Variants in FTCDNL1 observed in about 807,000 individuals in gnomAD.
The protein encoded by FTCDNL1 is formiminotransferase N-terminal subdomain-containing protein.
A neutral mutation model predicts 5.9 loss-of-function variants in FTCDNL1; 11 were observed. That is an observed-to-expected ratio of 1.87 (90% CI 1.18 to 3.10). The LOEUF (loss-of-function observed/expected upper bound fraction) is 3.10. FTCDNL1 is among the 30% of genes most tolerant of loss of function. The pLI, the probability that FTCDNL1 is intolerant of heterozygous loss-of-function variation, is 0.00. For missense variants in FTCDNL1, 115 were observed against 65.5 expected (o/e 1.76, Z -2.61); for synonymous variants, 58 against 24.8 (o/e 2.34, Z -3.99).
the FTCDNL1 span, among the ~76,000 whole-genome samples, chr2:199,676,615 G>T: frequency 6.6e-6 from 1 of 151,932 alleles, no homozygotes; most frequent in Non-Finnish European, 1.5e-5. Context: ...TAAAATTGAT[G>T]AGATAAGAAG....
chr2:199,777,411 T>C (rs1699147098), intron 3 of FTCDNL1, among the ~76,000 whole-genome samples: 1 of 152,210 alleles, frequency 6.6e-6, no homozygotes, highest in Non-Finnish European at 1.5e-5. Context: ...GAAGAGTTGA[T>C]GCTGCAGCTC....
the FTCDNL1 span, among the ~76,000 whole-genome samples, chr2:199,702,839 G>A: frequency 2.6e-5 from 4 of 152,138 alleles, no homozygotes; most frequent in South Asian, 8.3e-4. Context: ...AACGAAGTGA[G>A]GACGGGAGCC....
intron 3 of FTCDNL1, among the ~76,000 whole-genome samples, chr2:199,801,937 CAA>C (rs543444146): frequency 2.9e-4 from 33 of 111,980 alleles, no homozygotes; most frequent in Non-Finnish European, 3.3e-4. Flanking sequence ...GACTCCATCT[CAA>C]AAAAAAAAAA....
intron 3 of FTCDNL1, among the ~76,000 whole-genome samples, chr2:199,798,406 C>T (rs1214751788): frequency 6.6e-6 from 1 of 152,134 alleles, no homozygotes; most frequent in Non-Finnish European, 1.5e-5. Flanking sequence ...GAGTTAAATA[C>T]CCCAGCCAAA....
At chr2:199,784,546 A>C (rs1699538254) in intron 3 of FTCDNL1, among the ~76,000 whole-genome samples, 1 of 152,172 alleles carries the variant, frequency 6.6e-6, no homozygotes, top group African/African-American at 2.4e-5. Flanking sequence ...TCTCAAAAAC[A>C]ATACCTGTCG....
rs751410858 is a variant in FTCDNL1, at chr2:199,846,174, TA to T, written c.116-5del. ...GAAACTTGAGGATGTTTCTTTCCTG[TA>T]AAAAAAACAAGACAGAAGTGCAAGA... On this transcript the variant is annotated splice_region_variant and splice_polypyrimidine_tract_variant and intron_variant, in intron 2 of 4. Transcript: ENST00000420128. 21 of 685,362 alleles carry T rather than the reference TA, an allele frequency of 3.1e-5. No homozygotes were observed. Among genetic ancestry groups the T allele is most frequent in the South Asian group, 7.8e-5 (5 of 64,232 alleles). The allele number at this position is 685,362 out of a possible 1,614,324, so 42.5% of individuals were successfully genotyped here.
chr2:199,771,582 T>G (rs143043129), intron 3 of FTCDNL1, among the ~76,000 whole-genome samples: 195 of 152,348 alleles, frequency 1.3e-3, no homozygotes, highest in African/African-American at 4.3e-3. Context: ...TAATTTCTTA[T>G]GGTATAAAAG....
chr2:199,781,925 G>A (rs913040374), intron 3 of FTCDNL1, among the ~76,000 whole-genome samples: 15 of 151,900 alleles, frequency 9.9e-5, no homozygotes, highest in African/African-American at 3.6e-4. Context: ...GACTACAGGC[G>A]CCCGCCACCA....
the FTCDNL1 span, among the ~76,000 whole-genome samples, chr2:199,726,429 G>C: frequency 1.2e-4 from 19 of 152,158 alleles, no homozygotes; most frequent in Non-Finnish European, 2.5e-4. Context: ...CTGTGCCCTT[G>C]CTGGAGAGGT....
At chr2:199,773,287 C>G (rs563881312) in intron 3 of FTCDNL1, among the ~76,000 whole-genome samples, 1 of 152,124 alleles carries the variant, frequency 6.6e-6, no homozygotes, top group Admixed American at 6.5e-5. Context: ...CACAAACATA[C>G]ACTAAGAGTT....
intron 4 of FTCDNL1, among the ~76,000 whole-genome samples, chr2:199,816,883 A>G (rs963680832): frequency 2.0e-5 from 3 of 152,176 alleles, no homozygotes; most frequent in Admixed American, 1.3e-4. Context: ...GCTTTTATTT[A>G]TCGTCTGTCT....
chr2:199,788,411 A>C (rs1310136632), intron 3 of FTCDNL1, among the ~76,000 whole-genome samples: 1 of 152,236 alleles, frequency 6.6e-6, no homozygotes, highest in Non-Finnish European at 1.5e-5. Flanking sequence ...GTAAATAATA[A>C]AAGGGTCGCC....
the FTCDNL1 span, among the ~76,000 whole-genome samples, chr2:199,742,356 C>A: frequency 1.3e-5 from 2 of 152,144 alleles, no homozygotes; most frequent in African/African-American, 4.8e-5. Context: ...CCTCTGTTTT[C>A]CCATTAACTG....
At chr2:199,711,342 GT>G in the FTCDNL1 span, among the ~76,000 whole-genome samples, 1 of 131,228 alleles carries the variant, frequency 7.6e-6, no homozygotes, top group Non-Finnish European at 1.6e-5. Context: ...ATGACAGAAG[GT>G]GACTATCTAA....
chr2:199,849,852 T>C (rs2076828786), intron 1 of FTCDNL1, among the ~76,000 whole-genome samples: 1 of 152,332 alleles, frequency 6.6e-6, no homozygotes, highest in Non-Finnish European at 1.5e-5. Flanking sequence ...TAAAAATAGA[T>C]GAGGCCCTCA....
intron 3 of FTCDNL1, among the ~76,000 whole-genome samples, chr2:199,762,160 C>T (rs1428938078): frequency 6.6e-6 from 1 of 152,204 alleles, no homozygotes; most frequent in Non-Finnish European, 1.5e-5. Context: ...GTGGGTGGAT[C>T]ATGAGGTCAG....
At chr2:199,706,657 T>A in the FTCDNL1 span, among the ~76,000 whole-genome samples, 1 of 152,170 alleles carries the variant, frequency 6.6e-6, no homozygotes, top group African/African-American at 2.4e-5. Context: ...GGCCATTGGT[T>A]ACTGTTTATG....
At chr2:199,674,213 T>C in the FTCDNL1 span, among the ~76,000 whole-genome samples, 1 of 151,986 alleles carries the variant, frequency 6.6e-6, no homozygotes, top group African/African-American at 2.4e-5. Flanking sequence ...GACAAAATAA[T>C]GGTCATCAGG....
intron 3 of FTCDNL1, among the ~76,000 whole-genome samples, chr2:199,766,488 A>G (rs536283390): frequency 6.6e-6 from 1 of 152,294 alleles, no homozygotes; most frequent in South Asian, 2.1e-4. Flanking sequence ...ACATCTTCTG[A>G]TTAAATGAGC....
Sources: allele counts gnomAD v4.1 joint callset (sites outside exome capture counted in the v4.1 genomes callset), GRCh38; gene constraint gnomAD v4.1.1; transcripts MANE v1.5; gene names NCBI Gene and HGNC (gene_info 2026-07-23, HGNC 2026-07-21).